The following CLEC9A variants were observed in gnomAD, a reference collection of about 807,000 sequenced individuals.
CLEC9A encodes the protein C-type lectin domain containing 9A.
Under a neutral mutation model 30.0 loss-of-function variants are expected in CLEC9A, and 24 were observed. The ratio of observed to expected loss-of-function variants is 0.80; its 90% CI spans 0.58 to 1.13. The LOEUF (loss-of-function observed/expected upper bound fraction) is 1.13. Ranked by LOEUF, CLEC9A falls within the 50% of genes most tolerant of loss-of-function variation. The pLI, the probability that CLEC9A is intolerant of heterozygous loss-of-function variation, is 0.00. For synonymous variants in CLEC9A, 111 were observed against 96.8 expected, an observed-to-expected ratio of 1.15 and a Z score of -0.86; for missense variants, 251 against 280.9, an observed-to-expected ratio of 0.89 and a Z score of 0.76.
intron 2 of CLEC9A, among the ~76,000 whole-genome samples, chr12:10,051,717 A>G (rs1012175924): frequency 2.6e-5 from 4 of 152,216 alleles, no homozygotes; most frequent in Admixed American, 6.5e-5. Flanking sequence ...GGCCATAAAG[A>G]TAAGTGGTCA....
chr12:10,049,894 A>G (rs540523118), intron 2 of CLEC9A, among the ~76,000 whole-genome samples: 32 of 152,208 alleles, frequency 2.1e-4, no homozygotes, highest in Admixed American at 6.5e-5. Context: ...GCTGTTTTAC[A>G]TAATAAGCCT....
Position 10,061,230 on chromosome 12 carries a change from G to C in CLEC9A, c.276G>C (p.Gln92His), listed in dbSNP as rs1473651131. Residue 92 changes from glutamine (Q) to histidine (H), a missense_variant, in exon 6 of 9, where the codon CAG (glutamine) becomes CAC (histidine). Gln to His is a conservative substitution (Grantham distance 24). Coordinates refer to ENST00000355819, the MANE Select transcript of CLEC9A (RefSeq NM_207345.4). ...AATGGAAGAGAAGCTGTGCCCTTCA[G>C]ATGAAATATTGCCAAGCCTTCATGC... ...FTEWKRSCALQMKYCQAFMQN... is the reference protein window; with the variant it reads ...FTEWKRSCALHMKYCQAFMQN... 1.9e-6 allele frequency: 3 copies of C among 1,611,834 alleles called. No homozygotes were observed. In the South Asian group the frequency reaches 3.3e-5, roughly 18 times the overall value.
intron 1 of CLEC9A, among the ~76,000 whole-genome samples, chr12:10,039,654 G>A (rs1292516549): frequency 6.6e-6 from 1 of 151,996 alleles, no homozygotes; most frequent in African/African-American, 2.4e-5. Context: ...AAAATATTGT[G>A]CTTTTTTCCT....
intron 2 of CLEC9A, among the ~76,000 whole-genome samples, chr12:10,048,607 A>G (rs1360575487): frequency 2.0e-5 from 3 of 152,256 alleles, no homozygotes; most frequent in African/African-American, 7.2e-5. Flanking sequence ...CAGGAGTAAT[A>G]TTTGTCTCAA....
At chr12:10,052,820 T>G (rs749933001) in intron 4 of CLEC9A, 42 bp downstream of exon 4, 4 of 1,585,140 alleles carry the variant, frequency 2.5e-6, no homozygotes, top group Non-Finnish European at 3.4e-6. Flanking sequence ...TTAGAGTTCA[T>G]GTTTTTTTTT....
Position 10,052,755 on chromosome 12 carries a change from G to A in CLEC9A, c.68G>A (p.Cys23Tyr). 1 of 1,613,356 alleles carries A rather than the reference G, an allele frequency of 6.2e-7. No individual in the cohort carries two copies. The highest frequency in any genetic ancestry group is 8.5e-7 in the Non-Finnish European group (1 of 1,179,748). ...CCAGCACCAGACACTTACCAGAAATGTCTGTCTTCCAACAAATGTTCAGGT... is the reference window on the plus strand; with the variant it reads ...CCAGCACCAGACACTTACCAGAAATATCTGTCTTCCAACAAATGTTCAGGT... ...DSPAPDTYQK[C>Y]LSSNKCSGAC... The change falls in exon 4 of 9, where the codon TGT becomes TAT. Residue 23 changes from cysteine (C) to tyrosine (Y), a missense_variant. Coordinates refer to ENST00000355819, the MANE Select transcript of CLEC9A (RefSeq NM_207345.4).
chr12:10,064,643 T>C, intron 7 of CLEC9A, 89 bp from the exon 8 acceptor site: 4 of 1,376,992 alleles, frequency 2.9e-6, no homozygotes, highest in Non-Finnish European at 3.9e-6. Flanking sequence ...CCCATTAATT[T>C]CTAGCTAGGC....
intron 7 of CLEC9A, among the ~76,000 whole-genome samples, chr12:10,064,216 A>C (rs1287987310): frequency 5.3e-5 from 8 of 152,234 alleles, no homozygotes; most frequent in Admixed American, 5.2e-4. Context: ...CAGTAAACCA[A>C]GAACATTTGA....
intron 5 of CLEC9A, chr12:10,060,806 C>T (rs2137313780): frequency 4.2e-6 from 1 of 240,744 alleles, no homozygotes; most frequent in Non-Finnish European, 8.0e-6. Flanking sequence ...ATTCATTTGC[C>T]TTCATTTGTA....
At chr12:10,058,680 G>A (rs1005487437) in intron 5 of CLEC9A, among the ~76,000 whole-genome samples, 9 of 152,124 alleles carry the variant, frequency 5.9e-5, no homozygotes, top group Non-Finnish European at 1.2e-4. Flanking sequence ...GAGTAGCTGG[G>A]ATTACATGCG....
At chr12:10,044,628 A>G (rs1033182538) in intron 2 of CLEC9A, among the ~76,000 whole-genome samples, 17 of 152,190 alleles carry the variant, frequency 1.1e-4, no homozygotes, top group African/African-American at 3.9e-4. Context: ...CTATTTAAAC[A>G]TCACTTCTTC....
chr12:10,064,936 T>C, intron 8 of CLEC9A, 83 bp downstream of exon 8: 2 of 1,478,388 alleles, frequency 1.4e-6, no homozygotes, highest in South Asian at 1.4e-5. Flanking sequence ...ACCATGAATT[T>C]TCTCCAAGGG....
At chr12:10,052,981 G>A (rs1040472335) in intron 4 of CLEC9A, 1 of 477,982 alleles carries the variant, frequency 2.1e-6, no homozygotes, top group Non-Finnish European at 3.4e-6. Context: ...TAAACGTGCG[G>A]AACTATTTTT....
At chr12:10,054,200 A>T in intron 4 of CLEC9A, 71 bp from the exon 5 acceptor site, 1 of 1,202,276 alleles carries the variant, frequency 8.3e-7, no homozygotes, top group East Asian at 2.3e-5. Flanking sequence ...ACTCAATCTC[A>T]ATCTATCCTT....
intron 2 of CLEC9A, 90 bp from the exon 3 acceptor site, chr12:10,051,901 C>T (rs1865896023): frequency 6.6e-6 from 1 of 152,132 alleles, no homozygotes; most frequent in African/African-American, 2.4e-5. Context: ...GTGGGCATGC[C>T]TTTGGTGGAT....
At chr12:10,054,429 C>T (rs1373698244) in intron 5 of CLEC9A, 78 bp downstream of exon 5, 21 of 931,722 alleles carry the variant, frequency 2.3e-5, no homozygotes, top group Non-Finnish European at 3.3e-5. Context: ...GATGGAAAAT[C>T]AATTCATATG....
Position 10,041,593 on chromosome 12 carries a change from C to A in CLEC9A, c.-190C>A. On this transcript the variant is annotated 5_prime_UTR_variant, in exon 2 of 9. Transcript: ENST00000355819. Reference sequence around the variant, plus strand: ...ACTGCACTGACATGAAGGCTACTCTCCTGAAGACTGACAACCAGAACATTC... The same window carrying A: ...ACTGCACTGACATGAAGGCTACTCTACTGAAGACTGACAACCAGAACATTC... 1 of 527,542 alleles carries A rather than the reference C, an allele frequency of 1.9e-6. No individual in the cohort carries two copies. 32.7% of individuals were successfully genotyped at this position (527,542 alleles called of 1,614,324 possible).
At chr12:10,055,473 G>A (rs1263865160) in intron 5 of CLEC9A, among the ~76,000 whole-genome samples, 1 of 151,986 alleles carries the variant, frequency 6.6e-6, no homozygotes, top group Non-Finnish European at 1.5e-5. Flanking sequence ...AACTTGCATT[G>A]CAAATATCAA....
chr12:10,035,781 AT>A (rs1383821901), intron 1 of CLEC9A, among the ~76,000 whole-genome samples: 1 of 152,006 alleles, frequency 6.6e-6, no homozygotes, highest in African/African-American at 2.4e-5. Context: ...CACCCAGCTA[AT>A]TTTTTAAACC....
Sources: allele counts gnomAD v4.1 joint callset (sites outside exome capture counted in the v4.1 genomes callset), GRCh38; gene constraint gnomAD v4.1.1; transcripts MANE v1.5; gene names NCBI Gene and HGNC (gene_info 2026-07-23, HGNC 2026-07-21).